LAMA5: variants seen among roughly 807,000 people sequenced by gnomAD.
LAMA5 encodes the protein laminin subunit alpha-5.
In LAMA5, 260 loss-of-function variants were observed where a neutral mutation model predicts 433.4. The observed-to-expected ratio is 0.60, with a 90% CI of 0.54 to 0.66. LAMA5 has a LOEUF of 0.66. Ranked by LOEUF, LAMA5 falls within the 30% of genes least tolerant of loss-of-function variation. LAMA5 has a pLI of 0.00. For synonymous variants in LAMA5, 2,620 were observed against 2,226.6 expected (o/e 1.18, Z -4.97); for missense variants, 5,378 against 5,258.5 (o/e 1.02, Z -0.70).
intron 28 of LAMA5, 109 bp downstream of exon 28, chr20:62,332,263 T>A: frequency 1.3e-6 from 1 of 764,614 alleles, no homozygotes; most frequent in South Asian, 1.6e-5. Flanking sequence ...TGAGCGAGTG[T>A]GGCCGCCTTG....
intron 70 of LAMA5, 57 bp from the exon 71 acceptor site, chr20:62,311,841 AGAG>A: frequency 1.3e-5 from 8 of 592,660 alleles, no homozygotes; most frequent in Middle Eastern, 3.3e-4. Context: ...CCCCCACCTC[AGAG>A]GAGACAGAGG....
intron 48 of LAMA5, 32 bp from the exon 49 acceptor site, chr20:62,320,922 C>A: frequency 1.3e-6 from 2 of 1,593,312 alleles, no homozygotes; most frequent in South Asian, 1.1e-5. Context: ...AGGTCAGTGT[C>A]ATTGGGTCAG....
intron 45 of LAMA5, 68 bp downstream of exon 45, chr20:62,323,388 G>A (rs1055858388): frequency 6.5e-5 from 83 of 1,282,958 alleles, no homozygotes; most frequent in South Asian, 5.0e-4. Context: ...TACGGGGTAC[G>A]CCCAGCAGGC....
chr20:62,330,624 T>G lies in LAMA5; in HGVS notation c.3853-10A>C. 6.3e-7 allele frequency: 1 copy of G among 1,586,308 alleles called. No individual in the cohort carries two copies. ...TGAAGACCACGGTGGCCTGCAGGGATAGGCCCTAGTGAGCAGGCTGAGCTA... is the reference window on the plus strand; with the variant it reads ...TGAAGACCACGGTGGCCTGCAGGGAGAGGCCCTAGTGAGCAGGCTGAGCTA... On this transcript the variant is annotated splice_polypyrimidine_tract_variant and intron_variant, in intron 30 of 79. Transcript: ENST00000252999.
At chr20:62,327,737 C>A in intron 36 of LAMA5, 68 bp from the exon 37 acceptor site, 2 of 1,594,266 alleles carry the variant, frequency 1.3e-6, no homozygotes, top group South Asian at 1.1e-5. Flanking sequence ...TCCTGGTACC[C>A]ACCTGCCAAT....
At position 62,334,135 on chromosome 20, in the gene LAMA5, C is replaced by T. The variant is rs767763686; in HGVS notation, c.2739+51G>A. 1.4e-5 allele frequency: 22 copies of T among 1,591,448 alleles called. No individual in the cohort carries two copies. The East Asian group carries it at 1.6e-4, about 11-fold the overall frequency. ...CCTGCCCACCCCTCCCTGCCAGCCA[C>T]GCCTGGCTCCACTTCTAGGCTGAGC... On this transcript the variant is annotated intron_variant, in intron 22 of 79. Coordinates refer to ENST00000252999, the MANE Select transcript of LAMA5 (RefSeq NM_005560.6).
Position 62,334,597 on chromosome 20 carries a change from G to A in LAMA5, c.2507C>T (p.Ala836Val), listed in dbSNP as rs781424176. Residue 836 changes from alanine to valine, a missense_variant, in exon 21 of 80, where the codon GCA becomes GTA. By Grantham distance (64) the Ala-to-Val change is moderately conservative. Coordinates refer to ENST00000252999, the MANE Select transcript of LAMA5 (RefSeq NM_005560.6). Reference protein sequence around the residue: ...CRSCRCDIGGALGQSCEPRTG... With the variant: ...CRSCRCDIGGVLGQSCEPRTG... ...CCTCGGTTCACAGCTCTGGCCCAGT[G>A]CACCGCCAATGTCACACCGGCAGCC... is the stretch of plus-strand genomic sequence containing the variant. 272 of 1,547,804 alleles carry A rather than the reference G, an allele frequency of 1.8e-4. No individual in the cohort carries two copies. Among genetic ancestry groups the A allele is most frequent in the Non-Finnish European group, 2.2e-4 (255 of 1,146,714 alleles).
intron 6 of LAMA5, among the ~76,000 whole-genome samples, chr20:62,349,095 C>A (rs1983794383): frequency 6.6e-6 from 1 of 151,790 alleles, no homozygotes; most frequent in East Asian, 1.9e-4. Flanking sequence ...TGGTGAAACC[C>A]CGTTTCTACT....
Position 62,352,927 on chromosome 20 carries a change from C to A in LAMA5, c.568+207G>T, listed in dbSNP as rs191057859. ...GCACCAGAGATTCCTGGCGCCACAGCCCCTGGACTTGGCTGTGCCCGACGC... is the reference window on the plus strand; with the variant it reads ...GCACCAGAGATTCCTGGCGCCACAGACCCTGGACTTGGCTGTGCCCGACGC... On this transcript the variant is annotated intron_variant, in intron 3 of 79. Transcript: ENST00000252999. 4.9e-3 allele frequency: 2,563 copies of A among 518,694 alleles called. 17 individuals are homozygous for A. The highest frequency in any genetic ancestry group is 0.018 in the Middle Eastern group (36 of 1,966). 32.1% of individuals were successfully genotyped at this position (518,694 alleles called of 1,614,324 possible).
rs369584568 is a variant in LAMA5, at chr20:62,352,321, G to A, written c.608C>T (p.Thr203Met). The A allele has an allele frequency of 2.3e-5, 37 of 1,599,764 alleles. No homozygotes were observed. The highest frequency in any genetic ancestry group is 4.0e-5 in the African/African-American group (3 of 74,922). ...RDCLERFGPQ[T>M]LERITRDDAA... ...GTCGTCCCGTGTGATGCGCTCCAGC[G>A]TCTGTGGCCCGAACCGCTCCAGACA... The change falls in exon 4 of 80, where the codon ACG becomes ATG. Residue 203 changes from threonine (T) to methionine (M), a missense_variant. Transcript: ENST00000252999.
In LAMA5 at chr20:62,310,440, T is replaced by A. The variant is rs766741381; in HGVS notation, c.10579A>T (p.Ser3527Cys). The change falls in exon 76 of 80, where the codon AGC (serine) becomes TGC (cysteine). Residue 3527 changes from serine (S) to cysteine (C), a missense_variant. By Grantham distance (112) the Ser-to-Cys change is moderately radical. Coordinates refer to ENST00000252999, the MANE Select transcript of LAMA5 (RefSeq NM_005560.6). Reference protein sequence around the residue: ...PLEAGLFFPGSGGVITLDLPG... With the variant: ...PLEAGLFFPGCGGVITLDLPG... ...AGACCTAAAGTGATAACTCCCCCGC[T>A]GCCTGGGAAGAACAGGCCCGCCTCC... 9 of 1,604,882 alleles carry A rather than the reference T, an allele frequency of 5.6e-6. No homozygotes were observed. Among genetic ancestry groups the A allele is most frequent in the Non-Finnish European group, 7.6e-6 (9 of 1,176,704 alleles).
chr20:62,326,159 G>A (rs1031186323), intron 40 of LAMA5, among the ~76,000 whole-genome samples: 1 of 151,918 alleles, frequency 6.6e-6, no homozygotes, highest in African/African-American at 2.4e-5. Flanking sequence ...GGCAGAGGCT[G>A]CAGTAAGCCG....
At chr20:62,336,923 C>A in intron 16 of LAMA5, 137 bp from the exon 17 acceptor site, 1 of 813,292 alleles carries the variant, frequency 1.2e-6, no homozygotes, top group Non-Finnish European at 2.1e-6. Flanking sequence ...ACATGGACGG[C>A]CTGAAAACAC....
At position 62,367,061 on chromosome 20, in the gene LAMA5, G is replaced by C. The variant is rs1986816771; in HGVS notation, c.185C>G (p.Ala62Gly). The C allele has an allele frequency of 7.9e-7, 1 of 1,263,512 alleles. No individual in the cohort carries two copies. 78.3% of individuals were successfully genotyped at this position (1,263,512 alleles called of 1,614,324 possible). Residue 62 changes from alanine (A) to glycine (G), a missense_variant, in exon 1 of 80, where the codon GCG becomes GGG. By Grantham distance (60) the Ala-to-Gly change is moderately conservative (BLOSUM62 0). Transcript: ENST00000252999. The stretch of plus-strand genomic sequence containing the variant: ...CGCCGGGGCCTCCTCTCCGCAGGTC[G>C]CGGAGGCGGCGATGCGGGCGCCCTC... ...LAEGARIAASATCGEEAPARG... is the reference protein window; with the variant it reads ...LAEGARIAASGTCGEEAPARG...
chr20:62,322,751 G>A lies in LAMA5; in HGVS notation c.6072C>T (p.Asp2024=). The A allele has an allele frequency of 6.7e-7, 1 of 1,502,240 alleles. No homozygotes were observed. The highest frequency in any genetic ancestry group is 1.3e-5 in the South Asian group (1 of 76,222). 93.1% of individuals were successfully genotyped at this position (1,502,240 alleles called of 1,614,324 possible). Reference sequence around the variant, plus strand: ...AGGCCTCTGTCCCACATGGGGTACAGTCGCACCCTGCAGAAGGGGTCCGTG... The same window carrying A: ...AGGCCTCTGTCCCACATGGGGTACAATCGCACCCTGCAGAAGGGGTCCGTG... ...ALLPGNCTRC[D]CTPCGTEACD... The change falls in exon 46 of 80, where the codon GAC becomes GAT. Residue 2024 remains aspartate, a synonymous_variant. Coordinates refer to ENST00000252999, the MANE Select transcript of LAMA5 (RefSeq NM_005560.6).
chr20:62,321,871 T>C (rs923636549), intron 48 of LAMA5, 148 bp downstream of exon 48: 2 of 777,036 alleles, frequency 2.6e-6, no homozygotes, highest in Non-Finnish European at 4.4e-6. Context: ...TCAGCGTGGT[T>C]GGAGTTGGAC....
At position 62,367,236 on chromosome 20, in the gene LAMA5, G is replaced by C; in HGVS notation, c.10C>G (p.Arg4Gly). 1 of 1,186,722 alleles carries C rather than the reference G, an allele frequency of 8.4e-7. No individual in the cohort carries two copies. 73.5% of individuals were successfully genotyped at this position (1,186,722 alleles called of 1,614,324 possible). The change falls in exon 1 of 80, where the codon CGG becomes GGG. Residue 4 changes from arginine (R) to glycine (G), a missense_variant. Physicochemically the swap from Arg to Gly is moderately radical, Grantham distance 125. Coordinates refer to ENST00000252999, the MANE Select transcript of LAMA5 (RefSeq NM_005560.6). Reference sequence around the variant, plus strand: ...CACAGTGCGCTCCCCGCGCAGAGCCGCTTCGCCATCTTCCCGGCTCCGGGC... The same window carrying C: ...CACAGTGCGCTCCCCGCGCAGAGCCCCTTCGCCATCTTCCCGGCTCCGGGC... MAK[R>G]LCAGSALCVR...
intron 2 of LAMA5, 139 bp from the exon 3 acceptor site, chr20:62,353,390 T>C: frequency 1.6e-6 from 1 of 626,432 alleles, no homozygotes; most frequent in South Asian, 2.0e-5. Context: ...CACCTCTGGG[T>C]TTGCCTGTGT....
In LAMA5 at chr20:62,320,648, C is replaced by A. The variant is rs1341865561; in HGVS notation, c.6670G>T (p.Gly2224Cys). ...TGCTGTGCCGTCTCATGGCGGGGGC[C>A]CAGGGGGCTCCGGAGCTGGCTCTGT... ...DLQSQLRSPLGPRHETAQQLE... is the reference protein window; with the variant it reads ...DLQSQLRSPLCPRHETAQQLE... Residue 2224 changes from glycine (G) to cysteine (C), a missense_variant, in exon 50 of 80, where the codon GGC becomes TGC. By Grantham distance (159) the Gly-to-Cys change is radical (BLOSUM62 -3). Transcript: ENST00000252999. The A allele has an allele frequency of 5.0e-6, 8 of 1,607,242 alleles. No homozygotes were observed. Among genetic ancestry groups the A allele is most frequent in the Non-Finnish European group, 5.1e-6 (6 of 1,178,108 alleles).
Sources: allele counts gnomAD v4.1 joint callset (sites outside exome capture counted in the v4.1 genomes callset), GRCh38; gene constraint gnomAD v4.1.1; transcripts MANE v1.5; gene names NCBI Gene and HGNC (gene_info 2026-07-23, HGNC 2026-07-21).